Variants in SYT12 observed in about 807,000 individuals in gnomAD.
SYT12 encodes synaptotagmin 12, also known as synaptotagmin-12.
A neutral mutation model predicts 39.5 loss-of-function variants in SYT12; 27 were observed. The ratio of observed to expected loss-of-function variants is 0.68; its 90% CI spans 0.50 to 0.94. SYT12 has a LOEUF of 0.94. Ranked by LOEUF, SYT12 falls within the 40% of genes least tolerant of loss-of-function variation. The probability of loss-of-function intolerance (pLI) is 0.00; values close to 1 mark genes in which losing one functional copy is unlikely to be tolerated. For missense variants in SYT12, 536 were observed against 572.6 expected (o/e 0.94, Z 0.65); for synonymous variants, 233 against 239.7 (o/e 0.97, Z 0.26).
upstream of SYT12, among the ~76,000 whole-genome samples, chr11:67,018,825 A>G (rs1035547758): frequency 3.2e-4 from 49 of 152,076 alleles, no homozygotes; most frequent in African/African-American, 1.2e-3. Flanking sequence ...TCCGTCTCAA[A>G]AAAAAAAAGA....
At chr11:67,039,200 G>T (rs1950448731) in intron 3 of SYT12, among the ~76,000 whole-genome samples, 1 of 151,978 alleles carries the variant, frequency 6.6e-6, no homozygotes, top group African/African-American at 2.4e-5. Context: ...GTCCTCAGGA[G>T]GCTGAGGCAG....
At chr11:67,028,937 GC>G (rs1333537344) in intron 1 of SYT12, 3 of 152,176 alleles carry the variant, frequency 2.0e-5, no homozygotes, top group Non-Finnish European at 4.4e-5. Flanking sequence ...CCTGCACCAG[GC>G]CTGCAGGCTT....
At chr11:67,047,838 A>C (rs1482975259) in intron 7 of SYT12, among the ~76,000 whole-genome samples, 2 of 117,860 alleles carry the variant, frequency 1.7e-5, no homozygotes, top group African/African-American at 6.6e-5. Context: ...CCCAGGCTGG[A>C]CTGCAGTGGC....
chr11:67,021,284 C>A (rs930672437), upstream of SYT12, among the ~76,000 whole-genome samples: 7 of 152,096 alleles, frequency 4.6e-5, no homozygotes, highest in Admixed American at 4.6e-4. Flanking sequence ...TGCATCAGCT[C>A]CCCAGTGTGA....
intron 3 of SYT12, among the ~76,000 whole-genome samples, chr11:67,036,569 G>A (rs1411551638): frequency 6.6e-6 from 1 of 152,180 alleles, no homozygotes; most frequent in Non-Finnish European, 1.5e-5. Context: ...CCAGATTAGA[G>A]TCCCTCATGT....
intron 1 of SYT12, chr11:67,026,661 T>A (rs1457456265): frequency 6.6e-6 from 1 of 152,096 alleles, no homozygotes; most frequent in Non-Finnish European, 1.5e-5. Context: ...CACACTTTTT[T>A]TTTGAGGCAC....
At chr11:67,034,426 T>C (rs1372704264) in intron 2 of SYT12, among the ~76,000 whole-genome samples, 2 of 152,202 alleles carry the variant, frequency 1.3e-5, no homozygotes, top group African/African-American at 4.8e-5. Context: ...ATAAGTGTAA[T>C]GTAAATATCC....
chr11:67,014,862 G>A (rs1015295546), intron 3 of SYT12, among the ~76,000 whole-genome samples: 2 of 152,070 alleles, frequency 1.3e-5, no homozygotes, highest in Non-Finnish European at 2.9e-5. Flanking sequence ...TACCACTCTC[G>A]ACGCTCCCTG....
chr11:67,049,284 A>G lies in SYT12; in HGVS notation c.*527A>G, dbSNP rs993739633. 1 of 153,152 alleles carries G rather than the reference A, an allele frequency of 6.5e-6. No homozygotes were observed. Among genetic ancestry groups the G allele is most frequent in the Admixed American group, 6.5e-5 (1 of 15,436 alleles). 9.5% of individuals were successfully genotyped at this position (153,152 alleles called of 1,614,324 possible). ...TGGAGGGGCAGGAAAAGAACTGAGC[A>G]TGTCGCAGGCAGCGGGCCCAGCCTG... On this transcript the variant is annotated 3_prime_UTR_variant, in exon 8 of 8. Coordinates refer to ENST00000527043, the MANE Select transcript of SYT12 (RefSeq NM_177963.4).
intron 1 of SYT12, chr11:67,029,149 C>A (rs1453473487): frequency 6.6e-6 from 1 of 152,216 alleles, no homozygotes; most frequent in Middle Eastern, 3.2e-3. Flanking sequence ...TGAGCAGTCA[C>A]CTAGGTTCAG....
At chr11:67,043,287 A>G (rs2136229746) in intron 4 of SYT12, among the ~76,000 whole-genome samples, 1 of 152,296 alleles carries the variant, frequency 6.6e-6, no homozygotes, top group African/African-American at 2.4e-5. Flanking sequence ...GTCCCACTCC[A>G]CTGCTTGCCT....
chr11:67,049,811 A>G lies in SYT12; in HGVS notation c.*1054A>G. 6.6e-6 allele frequency: 1 copy of G among 152,506 alleles called. No individual in the cohort carries two copies. The highest frequency in any genetic ancestry group is 1.5e-5 in the Non-Finnish European group (1 of 68,174). The allele number at this position is 152,506 out of a possible 1,614,324, so 9.4% of individuals were successfully genotyped here. On this transcript the variant is annotated 3_prime_UTR_variant, in exon 8 of 8. Transcript: ENST00000527043. The stretch of plus-strand genomic sequence containing the variant: ...GCCTGATGGGAAGCCGGGGAAGGCC[A>G]GGGTGGAAGGGCGGCTTGAGGGACG...
intron 1 of SYT12, 53 bp from the exon 2 acceptor site, chr11:67,030,069 G>T: frequency 6.3e-7 from 1 of 1,579,248 alleles, no homozygotes; most frequent in Non-Finnish European, 8.7e-7. Context: ...GGACCTAGGA[G>T]CGGGACGCTG....
intron 1 of SYT12, 78 bp from the exon 2 acceptor site, chr11:67,030,044 G>A: frequency 7.4e-7 from 1 of 1,351,304 alleles, no homozygotes. Flanking sequence ...CAGGCACGTG[G>A]GTGCCAGGAG....
chr11:67,045,928 G>A, intron 7 of SYT12, 51 bp downstream of exon 7: 1 of 1,607,088 alleles, frequency 6.2e-7, no homozygotes, highest in Non-Finnish European at 8.5e-7. Context: ...AGGGCTCTGG[G>A]GCTGCCGCAT....
At chr11:67,028,256 T>C (rs1950208412) in intron 1 of SYT12, 1 of 152,010 alleles carries the variant, frequency 6.6e-6, no homozygotes, top group Non-Finnish European at 1.5e-5. Flanking sequence ...CTCGACAAGG[T>C]TCTCTATTAC....
At position 67,044,631 on chromosome 11, in the gene SYT12, C is replaced by G. The variant is rs1255920533; in HGVS notation, c.876C>G (p.Ser292Arg). The change falls in exon 6 of 8, where the codon AGC becomes AGG. Residue 292 changes from serine (S) to arginine (R), a missense_variant. Ser to Arg is a moderately radical substitution (Grantham distance 110, BLOSUM62 -1). Transcript: ENST00000527043. ...TGGGGGAGATCCTGCTCTCCCTCAG[C>G]TACCTCCCCACAGCCGAGCGCCTCA... ...DAVGEILLSL[S>R]YLPTAERLTV... 1 of 1,613,512 alleles carries G rather than the reference C, an allele frequency of 6.2e-7. No homozygotes were observed. Among genetic ancestry groups the G allele is most frequent in the South Asian group, 1.1e-5 (1 of 91,058 alleles).
Position 67,044,630 on chromosome 11 carries a change from G to C in SYT12, c.875G>C (p.Ser292Thr), listed in dbSNP as rs1950577519. ...DAVGEILLSL[S>T]YLPTAERLTV... ...GTGGGGGAGATCCTGCTCTCCCTCA[G>C]CTACCTCCCCACAGCCGAGCGCCTC... The change falls in exon 6 of 8, where the codon AGC becomes ACC. Residue 292 changes from serine (S) to threonine (T), a missense_variant. Physicochemically the swap from Ser to Thr is moderately conservative, Grantham distance 58. Coordinates refer to ENST00000527043, the MANE Select transcript of SYT12 (RefSeq NM_177963.4). 10 of 1,613,478 alleles carry C rather than the reference G, an allele frequency of 6.2e-6. No individual in the cohort carries two copies. The highest frequency in any genetic ancestry group is 8.5e-6 in the Non-Finnish European group (10 of 1,179,962).
upstream of SYT12, among the ~76,000 whole-genome samples, chr11:67,019,525 G>A (rs546968262): frequency 2.0e-5 from 3 of 151,654 alleles, no homozygotes; most frequent in South Asian, 2.1e-4. Flanking sequence ...AGAACAGTAC[G>A]GGGGAAACCG....
Sources: allele counts gnomAD v4.1 joint callset (sites outside exome capture counted in the v4.1 genomes callset), GRCh38; gene constraint gnomAD v4.1.1; transcripts MANE v1.5; gene names NCBI Gene and HGNC (gene_info 2026-07-23, HGNC 2026-07-21).